Variants in ENTPD1 observed in about 807,000 individuals in gnomAD.
The protein encoded by ENTPD1 is ATP diphosphohydrolase.
A neutral mutation model predicts 57.0 loss-of-function variants in ENTPD1; 33 were observed. That is an observed-to-expected ratio of 0.58 (90% confidence interval 0.44 to 0.77). The LOEUF (loss-of-function observed/expected upper bound fraction) is 0.77, where lower values mean the gene tolerates loss of function less well. Ranked by LOEUF, ENTPD1 falls within the 30% of genes least tolerant of loss-of-function variation. ENTPD1 has a pLI of 0.00. For synonymous variants in ENTPD1, 202 were observed against 218.8 expected, an observed-to-expected ratio of 0.92 and a Z score of 0.68; for missense variants, 501 against 603.4, an observed-to-expected ratio of 0.83 and a Z score of 1.78.
chr10:95,732,323 A>C (rs1264294869), intron 1 of ENTPD1, among the ~76,000 whole-genome samples: 1 of 151,998 alleles, frequency 6.6e-6, no homozygotes, highest in South Asian at 2.1e-4. Flanking sequence ...AGTTCTTGCA[A>C]TTTTTCTGTA....
intron 1 of ENTPD1, among the ~76,000 whole-genome samples, chr10:95,724,086 C>G (rs937371625): frequency 2.1e-5 from 3 of 146,222 alleles, no homozygotes; most frequent in Admixed American, 1.4e-4. Flanking sequence ...GGTGTGAACC[C>G]AGGAGGTGGA....
Position 95,838,264 on chromosome 10 carries a change from T to C in ENTPD1, c.145-1427T>C, listed in dbSNP as rs367675660. ...GCCCAGAGATATAACCAAAGATGAC[T>C]ATCAGTTGATCAAAATGGGCATTGA... On this transcript the variant is annotated intron_variant, in intron 2 of 9. Coordinates refer to ENST00000371205, the MANE Select transcript of ENTPD1 (RefSeq NM_001776.6). Among the ~76,000 whole-genome samples the C allele has an allele frequency of 5.3e-5, 8 of 152,198 alleles. No individual in the cohort carries two copies. In the East Asian group the frequency reaches 1.5e-3, roughly 29 times the overall value.
At position 95,873,834 on chromosome 10, in the gene ENTPD1, G is replaced by A. The variant is rs375733539; in HGVS notation, c.*7451G>A. On this transcript the variant is annotated 3_prime_UTR_variant, in exon 10 of 10. Transcript: ENST00000371205. ...GTGGGAGGCAAAAGGTACTTCTTAC[G>A]TGGTGGCATCAAGAGCAAAATGAGG... The A allele has an allele frequency of 3.9e-5, 16 of 409,328 alleles. No homozygotes were observed. The highest frequency in any genetic ancestry group is 1.3e-4 in the African/African-American group (6 of 46,336). The allele number at this position is 409,328 out of a possible 1,614,324, so 25.4% of individuals were successfully genotyped here. A position where few individuals can be genotyped will look rare whatever the true frequency, so the allele number is the denominator to read the frequency against.
At chr10:95,712,001 A>G (rs1417892753) in intron 1 of ENTPD1, 2 of 1,613,728 alleles carry the variant, frequency 1.2e-6, no homozygotes, top group Non-Finnish European at 8.5e-7. Flanking sequence ...AGGGTAAGAA[A>G]TTCTTACCAG....
rs184202679 is a variant in ENTPD1, at chr10:95,848,990, A to G, written c.1074+1284A>G. Among the ~76,000 whole-genome samples the G allele has an allele frequency of 3.4e-3, 515 of 152,342 alleles. 2 individuals carry two copies. Among genetic ancestry groups the G allele is most frequent in the African/African-American group, 0.012 (487 of 41,580 alleles). On this transcript the variant is annotated intron_variant, in intron 7 of 9. Coordinates refer to ENST00000371205, the MANE Select transcript of ENTPD1 (RefSeq NM_001776.6). The stretch of plus-strand genomic sequence containing the variant: ...CTCAAATGTTAGAAGGAGGAGGAGC[A>G]GCAGTTAGATGACACAGCTGAGGGT...
intron 1 of ENTPD1, among the ~76,000 whole-genome samples, chr10:95,719,792 T>C (rs1295344934): frequency 2.6e-5 from 4 of 152,222 alleles, no homozygotes; most frequent in African/African-American, 9.6e-5. Context: ...AGATGGGGGC[T>C]ATCCCTGAAC....
At chr10:95,803,717 T>C (rs1436567565) in intron 1 of ENTPD1, among the ~76,000 whole-genome samples, 3 of 152,234 alleles carry the variant, frequency 2.0e-5, no homozygotes, top group Non-Finnish European at 2.9e-5. Flanking sequence ...TTAGATCCCA[T>C]TTGTCCATTT....
chr10:95,780,974 G>A (rs2098155246), intron 1 of ENTPD1, among the ~76,000 whole-genome samples: 2 of 152,170 alleles, frequency 1.3e-5, no homozygotes, highest in Non-Finnish European at 2.9e-5. Flanking sequence ...GTTCGTTGCA[G>A]CATTATTCAC....
intron 1 of ENTPD1, among the ~76,000 whole-genome samples, chr10:95,715,017 G>A (rs920201875): frequency 2.6e-5 from 4 of 152,038 alleles, no homozygotes; most frequent in Non-Finnish European, 4.4e-5. Context: ...TATTCCCCTC[G>A]GTTATCCCTG....
rs1360842866 is a variant in ENTPD1 at position 95,872,763 on chromosome 10, C to T, written c.*6380C>T. The T allele has an allele frequency of 3.0e-6, 3 of 985,344 alleles. No homozygotes were observed. Among genetic ancestry groups the T allele is most frequent in the Non-Finnish European group, 3.6e-6 (3 of 829,946 alleles). The allele number at this position is 985,344 out of a possible 1,614,324, so 61.0% of individuals were successfully genotyped here. A position where few individuals can be genotyped will look rare whatever the true frequency, so the allele number is the denominator to read the frequency against. ...CTTCTGTTGCTGGCGAGCTGGTCCG[C>T]ACCACTAGTTCTGCTTCACTCTATT... On this transcript the variant is annotated 3_prime_UTR_variant, in exon 10 of 10. Coordinates refer to ENST00000371205, the MANE Select transcript of ENTPD1 (RefSeq NM_001776.6).
chr10:95,727,254 C>T (rs1030136612), intron 1 of ENTPD1, among the ~76,000 whole-genome samples: 2 of 152,136 alleles, frequency 1.3e-5, no homozygotes, highest in African/African-American at 4.8e-5. Flanking sequence ...TTAATCAAGA[C>T]CAACTCTTGT....
At chr10:95,718,596 G>A (rs1566087357) in intron 1 of ENTPD1, among the ~76,000 whole-genome samples, 4 of 152,144 alleles carry the variant, frequency 2.6e-5, no homozygotes, top group Admixed American at 2.0e-4. Context: ...TGTGGGCATG[G>A]AGAACTAGGT....
chr10:95,708,047 T>G (rs192348254), upstream of ENTPD1, among the ~76,000 whole-genome samples: 3 of 152,336 alleles, frequency 2.0e-5, no homozygotes, highest in African/African-American at 7.2e-5. Context: ...TGAAAAAGTT[T>G]GATGACATCA....
chr10:95,821,780 C>T lies in ENTPD1; in HGVS notation c.17-1457C>T, dbSNP rs570428438. The stretch of plus-strand genomic sequence containing the variant: ...GTGGATTGGAGACCCATACCTTAAT[C>T]CAAGCTTAGACTTGGATTAAGTTCA... On this transcript the variant is annotated intron_variant, in intron 1 of 9. Coordinates refer to ENST00000371205, the MANE Select transcript of ENTPD1 (RefSeq NM_001776.6). Among the ~76,000 whole-genome samples the T allele has an allele frequency of 1.2e-4, 19 of 152,246 alleles. No homozygotes were observed. The South Asian group carries it at 3.7e-3, about 30-fold the overall frequency.
chr10:95,795,090 A>T (rs1291986497), intron 1 of ENTPD1, among the ~76,000 whole-genome samples: 1 of 152,180 alleles, frequency 6.6e-6, no homozygotes, highest in East Asian at 1.9e-4. Context: ...AAGCAGATTG[A>T]TGATAGGTAA....
At chr10:95,861,978 A>G (rs1346751646) in intron 8 of ENTPD1, among the ~76,000 whole-genome samples, 1 of 151,844 alleles carries the variant, frequency 6.6e-6, no homozygotes, top group Admixed American at 6.6e-5. Context: ...CCTGGGTGAC[A>G]GAGCAGGACT....
intron 1 of ENTPD1, among the ~76,000 whole-genome samples, chr10:95,776,768 A>C (rs1566134552): frequency 6.6e-6 from 1 of 152,124 alleles, no homozygotes; most frequent in Non-Finnish European, 1.5e-5. Context: ...TTTTAGGTAC[A>C]CCAATCAAAT....
In ENTPD1 at chr10:95,871,583, G is replaced by C. The variant is rs1044614383; in HGVS notation, c.*5200G>C. On this transcript the variant is annotated 3_prime_UTR_variant, in exon 10 of 10. Transcript: ENST00000371205. ...GGTATAATGGATTTTTCAATAGTGA[G>C]GAGGTGCCTCCATGAGCCTTCTCTT... 2.0e-6 allele frequency: 2 copies of C among 985,420 alleles called. No homozygotes were observed. The highest frequency in any genetic ancestry group is 2.4e-6 in the Non-Finnish European group (2 of 829,918). The allele number at this position is 985,420 out of a possible 1,614,324, so 61.0% of individuals were successfully genotyped here. A position where few individuals can be genotyped will look rare whatever the true frequency, so the allele number is the denominator to read the frequency against.
In ENTPD1 at chr10:95,870,530, T is replaced by TG; in HGVS notation, c.*4149dup. 1.0e-6 allele frequency: 1 copy of TG among 978,504 alleles called. No individual in the cohort carries two copies. Among genetic ancestry groups the TG allele is most frequent in the Non-Finnish European group, 1.2e-6 (1 of 823,678 alleles). 60.6% of individuals were successfully genotyped at this position (978,504 alleles called of 1,614,324 possible). On this transcript the variant is annotated 3_prime_UTR_variant, in exon 10 of 10. Transcript: ENST00000371205. Reference sequence around the variant, plus strand: ...CTGCCCTCAAGCAATCCTCCTGCCTTGGCCTCCCAAAGTGTTGAGATTACA... The same window carrying TG: ...CTGCCCTCAAGCAATCCTCCTGCCTTGGGCCTCCCAAAGTGTTGAGATTACA...
Sources: gnomAD v4.1 joint callset for allele counts (sites outside exome capture counted in the v4.1 genomes callset) on GRCh38, gnomAD v4.1.1 for gene constraint, MANE v1.5 for transcripts, NCBI Gene and HGNC (gene_info 2026-07-23, HGNC 2026-07-21) for gene names.